Variants in TMEM132D observed in about 807,000 individuals in gnomAD.
TMEM132D encodes mature OL transmembrane protein.
Under a neutral mutation model 62.3 loss-of-function variants are expected in TMEM132D, and 21 were observed. The ratio of observed to expected loss-of-function variants is 0.34; its 90% CI spans 0.24 to 0.49. The LOEUF (loss-of-function observed/expected upper bound fraction) is 0.49, where lower values mean the gene tolerates loss of function less well. TMEM132D is among the 20% of genes least tolerant of loss of function. TMEM132D has a pLI of 0.99. For synonymous variants in TMEM132D, 621 were observed against 575.6 expected, an observed-to-expected ratio of 1.08 and a Z score of -1.13; for missense variants, 1,346 against 1,402.8, an observed-to-expected ratio of 0.96 and a Z score of 0.65.
At chr12:129,576,738 C>T (rs997716670) in intron 2 of TMEM132D, among the ~76,000 whole-genome samples, 2 of 151,842 alleles carry the variant, frequency 1.3e-5, no homozygotes, top group African/African-American at 2.4e-5. Context: ...TAATAGCCTA[C>T]TGTTGATGGG....
chr12:129,125,481 C>T (rs751445973), intron 5 of TMEM132D, among the ~76,000 whole-genome samples: 10 of 148,230 alleles, frequency 6.7e-5, no homozygotes, highest in Non-Finnish European at 1.3e-4. Context: ...GGTGATGTGA[C>T]GATGTCGAAT....
chr12:129,671,561 A>G (rs1880500735), intron 2 of TMEM132D, among the ~76,000 whole-genome samples: 1 of 152,178 alleles, frequency 6.6e-6, no homozygotes, highest in Non-Finnish European at 1.5e-5. Context: ...CAACTAGCCA[A>G]CGTGGTGAGG....
chr12:129,747,111 G>A (rs1033920089), intron 1 of TMEM132D, among the ~76,000 whole-genome samples: 1 of 46,006 alleles, frequency 2.2e-5, no homozygotes, highest in African/African-American at 5.8e-5. Context: ...GAGAGTAAAA[G>A]CCAAGGTCCT....
At position 129,903,544 on chromosome 12, in the gene TMEM132D, C is replaced by T; in HGVS notation, c.-205G>A. ...GACGACCGCGCGGGCTCCTGAGTTG[C>T]TCTCCGGAGTCCAACACGCGCGCAG... On this transcript the variant is annotated 5_prime_UTR_variant, in exon 1 of 9. Coordinates refer to ENST00000422113, the MANE Select transcript of TMEM132D (RefSeq NM_133448.3). The surrounding 1 kb of genome is among the most constrained non-coding windows in gnomAD (Gnocchi z 6.2). 1 of 582,312 alleles carries T rather than the reference C, an allele frequency of 1.7e-6. No homozygotes were observed. Among genetic ancestry groups the T allele is most frequent in the Non-Finnish European group, 3.1e-6 (1 of 326,248 alleles). The allele number at this position is 582,312 out of a possible 1,614,324, so 36.1% of individuals were successfully genotyped here. A position where few individuals can be genotyped will look rare whatever the true frequency, so the allele number is the denominator to read the frequency against.
chr12:129,559,103 A>G (rs1369811449), intron 2 of TMEM132D, among the ~76,000 whole-genome samples: 2 of 152,250 alleles, frequency 1.3e-5, no homozygotes, highest in African/African-American at 2.4e-5. Flanking sequence ...CAAAGACATC[A>G]GCATCCCTAA....
At chr12:129,877,643 A>G (rs1874470306) in intron 1 of TMEM132D, among the ~76,000 whole-genome samples, 1 of 152,138 alleles carries the variant, frequency 6.6e-6, no homozygotes, top group Admixed American at 6.5e-5. Context: ...AGAGAGAGAG[A>G]GAGAGAGAGA....
chr12:129,389,530 C>A (rs896908674), intron 3 of TMEM132D, among the ~76,000 whole-genome samples: 1 of 152,120 alleles, frequency 6.6e-6, no homozygotes, highest in Non-Finnish European at 1.5e-5. Flanking sequence ...AACTCCAACA[C>A]CAACACTAAC....
At chr12:129,550,973 T>A (rs941528594) in intron 2 of TMEM132D, among the ~76,000 whole-genome samples, 2 of 152,186 alleles carry the variant, frequency 1.3e-5, no homozygotes, top group African/African-American at 2.4e-5. Flanking sequence ...TACTTGGAGC[T>A]CAAAGCCACC....
At chr12:129,128,781 T>G (rs543072338) in intron 5 of TMEM132D, among the ~76,000 whole-genome samples, 19 of 152,148 alleles carry the variant, frequency 1.2e-4, no homozygotes, top group African/African-American at 4.6e-4. Flanking sequence ...TCTCCAGTGT[T>G]TATTAGCTCC....
intron 3 of TMEM132D, among the ~76,000 whole-genome samples, chr12:129,356,080 G>T (rs537488388): frequency 3.2e-4 from 48 of 151,668 alleles, no homozygotes; most frequent in African/African-American, 1.1e-3. Context: ...TCCTGGAAGC[G>T]CTTCCTTCAT....
At chr12:129,902,586 C>T (rs1212551905) in intron 1 of TMEM132D, among the ~76,000 whole-genome samples, 1 of 152,152 alleles carries the variant, frequency 6.6e-6, no homozygotes, top group Non-Finnish European at 1.5e-5. Flanking sequence ...GTCAGGGCTC[C>T]GCTGGGAAAA....
At chr12:129,704,572 T>C (rs935385692) in intron 1 of TMEM132D, among the ~76,000 whole-genome samples, 1 of 152,172 alleles carries the variant, frequency 6.6e-6, no homozygotes, top group East Asian at 1.9e-4. Context: ...AGGAAACCAG[T>C]GCCCATGTGG....
In TMEM132D at chr12:129,324,049, G is replaced by A. The variant is rs141010569; in HGVS notation, c.1299+13585C>T. ...GGATTTTCTTTTTTTCAAACTTCAT[G>A]TGTTTCCCAGCTTCTGCTCCTTTCT... On this transcript the variant is annotated intron_variant, in intron 4 of 8. Transcript: ENST00000422113. Among the ~76,000 whole-genome samples the A allele has an allele frequency of 1.5e-4, 23 of 151,974 alleles. No individual in the cohort carries two copies. The East Asian group carries it at 4.1e-3, about 27-fold the overall frequency.
chr12:129,895,107 A>G (rs1004880424), intron 1 of TMEM132D, among the ~76,000 whole-genome samples: 4 of 152,124 alleles, frequency 2.6e-5, no homozygotes, highest in African/African-American at 9.7e-5. Flanking sequence ...TCTCCTTGGA[A>G]CGTGCTCAAG....
At chr12:129,428,557 T>C (rs575648222) in intron 3 of TMEM132D, among the ~76,000 whole-genome samples, 6 of 152,368 alleles carry the variant, frequency 3.9e-5, no homozygotes, top group African/African-American at 1.4e-4. Flanking sequence ...CTTTGATTTT[T>C]TATTTATTTG....
chr12:129,188,322 G>T (rs1056433217), intron 5 of TMEM132D, among the ~76,000 whole-genome samples: 4 of 152,160 alleles, frequency 2.6e-5, no homozygotes, highest in African/African-American at 7.2e-5. Context: ...CACCTAGCCT[G>T]CCAAAGCCAC....
chr12:129,382,276 G>A, intron 3 of TMEM132D, among the ~76,000 whole-genome samples: 1 of 152,274 alleles, frequency 6.6e-6, no homozygotes, highest in East Asian at 1.9e-4. Context: ...TAGAAGATGT[G>A]TCACAGTTTT....
At chr12:129,289,556 AAAAAAAAAG>A (rs1012154049) in intron 4 of TMEM132D, among the ~76,000 whole-genome samples, 40 of 148,650 alleles carry the variant, frequency 2.7e-4, no homozygotes, top group Admixed American at 1.2e-3. Context: ...ATAAAAAAAA[AAAAAAAAAG>A]AAAAAAAAGA....
intron 3 of TMEM132D, among the ~76,000 whole-genome samples, chr12:129,427,915 CCTTAT>C (rs888248380): frequency 4.1e-5 from 6 of 145,310 alleles, no homozygotes; most frequent in South Asian, 2.3e-4. Flanking sequence ...ATCCGAAACA[CCTTAT>C]CTTATCTTAT....
Sources: gnomAD v4.1 joint callset for allele counts (sites outside exome capture counted in the v4.1 genomes callset) on GRCh38, gnomAD v4.1.1 for gene constraint, Gnocchi (gnomAD v3.1) non-coding constraint, MANE v1.5 for transcripts, NCBI Gene and HGNC (gene_info 2026-07-23, HGNC 2026-07-21) for gene names.